Variants in ANKRD44 observed in about 807,000 individuals in gnomAD.
ANKRD44 encodes the protein serine/threonine-protein phosphatase 6 regulatory ankyrin repeat subunit B.
Under a neutral mutation model 116.0 loss-of-function variants are expected in ANKRD44, and 35 were observed. That is an observed-to-expected ratio of 0.30 (90% CI 0.23 to 0.40). The LOEUF (loss-of-function observed/expected upper bound fraction) is 0.40, where lower values mean the gene tolerates loss of function less well. Among genes scored for constraint, ANKRD44 ranks in the 10% least tolerant of loss-of-function variants. The pLI is 1.00. For missense variants in ANKRD44, 1,014 were observed against 1,242.6 expected (o/e 0.82, Z 2.77); for synonymous variants, 435 against 461.8 (o/e 0.94, Z 0.74).
intron 16 of ANKRD44, among the ~76,000 whole-genome samples, chr2:197,036,079 C>T (rs933983035): frequency 6.6e-6 from 1 of 152,184 alleles, no homozygotes; most frequent in Non-Finnish European, 1.5e-5. Context: ...ACATCCTTCA[C>T]AGCTATTAGA....
At chr2:197,186,159 G>A (rs2080652856) in intron 2 of ANKRD44, among the ~76,000 whole-genome samples, 1 of 152,136 alleles carries the variant, frequency 6.6e-6, no homozygotes, top group South Asian at 2.1e-4. Flanking sequence ...AGAAAAAAAT[G>A]TATGATGTAC....
At position 197,095,695 on chromosome 2, in the gene ANKRD44, A is replaced by G. The variant is rs138994784; in HGVS notation, c.1100+4121T>C. ...ATTTCTATCCCTTACTGGCTTTGTG[A>G]CTTTGAGCAGGTAACTGAACCTCTC... On this transcript the variant is annotated intron_variant, in intron 10 of 27. Transcript: ENST00000282272. Among the ~76,000 whole-genome samples, 30 of 152,272 alleles carry G rather than the reference A, an allele frequency of 2.0e-4. No individual in the cohort carries two copies. The East Asian group carries it at 5.2e-3, about 26-fold the overall frequency.
At chr2:196,993,029 T>C (rs527527284) in intron 27 of ANKRD44, among the ~76,000 whole-genome samples, 15 of 152,302 alleles carry the variant, frequency 9.8e-5, no homozygotes, top group African/African-American at 3.6e-4. Context: ...TAAGAATTAG[T>C]TCATTAGGAA....
In ANKRD44 at chr2:197,089,997, G is replaced by T. The variant is rs1481156500; in HGVS notation, c.1136C>A (p.Ala379Asp). The T allele has an allele frequency of 6.2e-7, 1 of 1,613,946 alleles. No homozygotes were observed. Among genetic ancestry groups the T allele is most frequent in the Non-Finnish European group, 8.5e-7 (1 of 1,179,952 alleles). Residue 379 changes from alanine to aspartate, a missense_variant, in exon 11 of 28, where the codon GCT (alanine) becomes GAT (aspartate). Transcript: ENST00000282272. ...GCAGTCAGAGTGAGCATTTAGGGCA[G>T]CTAAATGTAAAGGGAACATGCTATG... ...GIHSMFPLHL[A>D]ALNAHSDCCR... is the part of the protein sequence containing the mutation.
At position 197,081,724 on chromosome 2, in the gene ANKRD44, T is replaced by C; in HGVS notation, c.1459A>G (p.Lys487Glu). 1 of 1,612,658 alleles carries C rather than the reference T, an allele frequency of 6.2e-7. No homozygotes were observed. Among genetic ancestry groups the C allele is most frequent in the Non-Finnish European group, 8.5e-7 (1 of 1,178,938 alleles). The change falls in exon 15 of 28, where the codon AAG (lysine) becomes GAG (glutamate). Residue 487 changes from lysine (K) to glutamate (E), a missense_variant and splice_region_variant. By Grantham distance (56) the Lys-to-Glu change is moderately conservative. Transcript: ENST00000282272. ...YAAASDMDRN[K>E]TILGNAHDNS... ...TCATGGGCATTTCCTAAGATAGTCT[T>C]ACTTCTCAGCATAAAGGATAGAAAA...
At chr2:197,107,051 A>G (rs974989436) in intron 9 of ANKRD44, among the ~76,000 whole-genome samples, 1 of 152,288 alleles carries the variant, frequency 6.6e-6, no homozygotes, top group East Asian at 1.9e-4. Flanking sequence ...GAGATTGATC[A>G]TTGACAACCA....
intron 3 of ANKRD44, among the ~76,000 whole-genome samples, chr2:197,140,194 A>G (rs1192000373): frequency 6.6e-6 from 1 of 151,726 alleles, no homozygotes; most frequent in East Asian, 1.9e-4. Context: ...CATAGATAAT[A>G]CACACTTTCA....
At chr2:197,225,931 C>T (rs6744133) in intron 1 of ANKRD44, among the ~76,000 whole-genome samples, 30,601 of 152,132 alleles carry the variant, frequency 0.2, 3,227 homozygotes, top group Middle Eastern at 0.31. Context: ...TATCTAAAAA[C>T]AAATAATTCC....
chr2:197,196,397 C>A (rs2080949359), intron 1 of ANKRD44, among the ~76,000 whole-genome samples: 1 of 151,944 alleles, frequency 6.6e-6, no homozygotes, highest in African/African-American at 2.4e-5. Context: ...CTGGTATGTG[C>A]ATCACTTATA....
chr2:197,244,367 T>C (rs1183744149), intron 1 of ANKRD44, among the ~76,000 whole-genome samples: 3 of 152,216 alleles, frequency 2.0e-5, no homozygotes, highest in Non-Finnish European at 4.4e-5. Flanking sequence ...CTTATTAATT[T>C]AGCAAAGAAG....
At chr2:197,309,522 A>G (rs946631706) in intron 1 of ANKRD44, among the ~76,000 whole-genome samples, 4 of 152,210 alleles carry the variant, frequency 2.6e-5, no homozygotes, top group Non-Finnish European at 4.4e-5. Flanking sequence ...TACTAACTGG[A>G]GAACGCAAGG....
At chr2:196,974,114 G>A (rs754623611) in intron 21 of ANKRD44, among the ~76,000 whole-genome samples, 1 of 150,658 alleles carries the variant, frequency 6.6e-6, no homozygotes, top group Non-Finnish European at 1.5e-5. Context: ...ACAGCCTCTT[G>A]CTCTGTTGCC....
intron 1 of ANKRD44, among the ~76,000 whole-genome samples, chr2:197,289,681 T>C (rs1269564929): frequency 6.6e-6 from 1 of 152,118 alleles, no homozygotes; most frequent in Non-Finnish European, 1.5e-5. Context: ...AGACAGCAGA[T>C]CAGTATTTGC....
At chr2:197,137,781 G>A (rs1440363809) in intron 3 of ANKRD44, among the ~76,000 whole-genome samples, 1 of 152,182 alleles carries the variant, frequency 6.6e-6, no homozygotes, top group Non-Finnish European at 1.5e-5. Flanking sequence ...TGCTGTCAAA[G>A]TTGAGAGCCA....
intron 15 of ANKRD44, among the ~76,000 whole-genome samples, chr2:197,079,649 A>G (rs1461548491): frequency 6.6e-6 from 1 of 152,262 alleles, no homozygotes; most frequent in Non-Finnish European, 1.5e-5. Context: ...GCTTCATAGC[A>G]TCAGCATTAT....
intron 4 of ANKRD44, chr2:197,134,753 T>C (rs537777771): frequency 3.3e-5 from 5 of 152,284 alleles, no homozygotes; most frequent in African/African-American, 1.2e-4. Flanking sequence ...GGGAGGTACA[T>C]ATTGAATTAT....
At chr2:197,044,232 A>G (rs972575572) in intron 16 of ANKRD44, among the ~76,000 whole-genome samples, 1 of 152,228 alleles carries the variant, frequency 6.6e-6, no homozygotes, top group Non-Finnish European at 1.5e-5. Flanking sequence ...AAATTTCCTA[A>G]ATGGTTGATA....
At chr2:197,148,026 GA>G in intron 2 of ANKRD44, 1 of 284,566 alleles carries the variant, frequency 3.5e-6, no homozygotes, top group East Asian at 1.0e-4. Context: ...AGATTGTGCT[GA>G]AAGGCAGCAT....
chr2:197,059,873 GT>G (rs1314906941), intron 16 of ANKRD44, among the ~76,000 whole-genome samples: 1 of 152,166 alleles, frequency 6.6e-6, no homozygotes, highest in Non-Finnish European at 1.5e-5. Flanking sequence ...TATTCAACTT[GT>G]CAAACCAAGT....
Sources: gnomAD v4.1 joint callset for allele counts (sites outside exome capture counted in the v4.1 genomes callset) on GRCh38, gnomAD v4.1.1 for gene constraint, MANE v1.5 for transcripts, NCBI Gene and HGNC (gene_info 2026-07-23, HGNC 2026-07-21) for gene names.